Variants in SCN11A observed in about 807,000 individuals in gnomAD.
The protein encoded by SCN11A is sodium channel protein type 11 subunit alpha.
Under a neutral mutation model 162.2 loss-of-function variants are expected in SCN11A, and 122 were observed. The ratio of observed to expected loss-of-function variants is 0.75; its 90% CI spans 0.65 to 0.87. SCN11A has a LOEUF of 0.87. SCN11A is among the 40% of genes least tolerant of loss of function. The pLI, the probability that SCN11A is intolerant of heterozygous loss-of-function variation, is 0.00. For synonymous variants in SCN11A, 758 were observed against 751.5 expected (o/e 1.01, Z -0.14); for missense variants, 2,015 against 2,181.6 (o/e 0.92, Z 1.52).
At chr3:38,913,406 T>C (rs1476534494) in intron 11 of SCN11A, among the ~76,000 whole-genome samples, 1 of 152,228 alleles carries the variant, frequency 6.6e-6, no homozygotes, top group African/African-American at 2.4e-5. Flanking sequence ...TTTGCAAATA[T>C]TTTCTCCCAT....
intron 7 of SCN11A, among the ~76,000 whole-genome samples, chr3:38,937,040 C>G (rs938600685): frequency 6.6e-6 from 1 of 152,098 alleles, no homozygotes; most frequent in Non-Finnish European, 1.5e-5. Flanking sequence ...ATCAATGGAA[C>G]AGAACAGAGC....
At chr3:38,934,238 A>G (rs1165395134) in intron 7 of SCN11A, among the ~76,000 whole-genome samples, 1 of 152,254 alleles carries the variant, frequency 6.6e-6, no homozygotes, top group Non-Finnish European at 1.5e-5. Flanking sequence ...TAAACATGGA[A>G]AAGAACAACC....
rs549310901 is a variant in SCN11A, at chr3:38,956,039, G to T, written c.-138-2280C>A. On this transcript the variant is annotated intron_variant, in intron 3 of 29. Transcript: ENST00000302328. ...AGGCAGGCAGATCAGGAGGTCAGGA[G>T]TTTGAGCCCACCCTGGCCAACATGG... Among the ~76,000 whole-genome samples the T allele has an allele frequency of 1.6e-3, 244 of 152,256 alleles. 4 individuals are homozygous for T. The highest frequency in any genetic ancestry group is 4.4e-4 in the Non-Finnish European group (30 of 68,022).
At chr3:39,016,256 T>G (rs2031285939) in intron 2 of SCN11A, among the ~76,000 whole-genome samples, 1 of 152,180 alleles carries the variant, frequency 6.6e-6, no homozygotes, top group Non-Finnish European at 1.5e-5. Flanking sequence ...GGCCATGGGC[T>G]GCCAGGGTAG....
At chr3:38,999,224 A>G (rs1205838802) in intron 2 of SCN11A, among the ~76,000 whole-genome samples, 3 of 152,124 alleles carry the variant, frequency 2.0e-5, no homozygotes, top group Admixed American at 2.0e-4. Context: ...ATAATACTAC[A>G]TTTGTTTTCT....
chr3:38,953,903 G>A (rs560328823), intron 3 of SCN11A, among the ~76,000 whole-genome samples, 144 bp from the exon 4 acceptor site: 10 of 152,270 alleles, frequency 6.6e-5, no homozygotes, highest in African/African-American at 2.4e-4. Context: ...TACTGAAGAG[G>A]CATCCCAATT....
chr3:38,963,410 ATATATATG>A (rs1223246603), intron 2 of SCN11A, among the ~76,000 whole-genome samples: 1 of 61,046 alleles, frequency 1.6e-5, no homozygotes, highest in African/African-American at 1.2e-4. Context: ...ATATATATAT[ATATATATG>A]ATGGAGATAT....
At chr3:38,951,389 G>A (rs185115577) in intron 4 of SCN11A, among the ~76,000 whole-genome samples, 2,433 of 152,340 alleles carry the variant, frequency 0.016, 67 homozygotes, top group African/African-American at 0.056. Context: ...GACTTCCCGC[G>A]GGGCAGGGCT....
chr3:38,986,164 C>T (rs2030232708), intron 2 of SCN11A, among the ~76,000 whole-genome samples: 1 of 150,840 alleles, frequency 6.6e-6, no homozygotes, highest in Non-Finnish European at 1.5e-5. Context: ...GAGGAGACTA[C>T]ACATGGGCAT....
In SCN11A at chr3:38,846,671, G is replaced by T; in HGVS notation, c.*23C>A. ...GCTGAAGGCAAGGCTGTGAAGCTATGAGGTAGGCGTGGAGGTGAGGGCTCA... is the reference window on the plus strand; with the variant it reads ...GCTGAAGGCAAGGCTGTGAAGCTATTAGGTAGGCGTGGAGGTGAGGGCTCA... On this transcript the variant is annotated 3_prime_UTR_variant, in exon 30 of 30. Coordinates refer to ENST00000302328, the MANE Select transcript of SCN11A (RefSeq NM_001349253.2). 1 of 1,598,178 alleles carries T rather than the reference G, an allele frequency of 6.3e-7. No homozygotes were observed. The highest frequency in any genetic ancestry group is 8.6e-7 in the Non-Finnish European group (1 of 1,166,482).
chr3:39,033,298 T>C (rs1290281728), intron 1 of SCN11A, among the ~76,000 whole-genome samples: 1 of 141,928 alleles, frequency 7.0e-6, no homozygotes, highest in Non-Finnish European at 1.5e-5. Context: ...TCTTATTTAC[T>C]TTTTATATTT....
intron 2 of SCN11A, among the ~76,000 whole-genome samples, chr3:39,026,491 C>T (rs963636607): frequency 3.3e-5 from 5 of 152,152 alleles, no homozygotes; most frequent in Non-Finnish European, 7.3e-5. Context: ...TGATTTTCTC[C>T]CGGGTAAAGG....
chr3:38,977,846 C>T (rs1300483197), intron 2 of SCN11A, among the ~76,000 whole-genome samples: 1 of 152,208 alleles, frequency 6.6e-6, no homozygotes, highest in Non-Finnish European at 1.5e-5. Flanking sequence ...TTTACCTCCT[C>T]CATGGACTTT....
intron 2 of SCN11A, among the ~76,000 whole-genome samples, chr3:39,016,692 T>G (rs2031297951): frequency 6.6e-6 from 1 of 152,156 alleles, no homozygotes; most frequent in African/African-American, 2.4e-5. Context: ...AACCTCCACC[T>G]CCTGGGTTCA....
intron 1 of SCN11A, among the ~76,000 whole-genome samples, chr3:39,043,680 G>C (rs1156462164): frequency 6.6e-6 from 1 of 152,036 alleles, no homozygotes; most frequent in East Asian, 1.9e-4. Flanking sequence ...AACTGGGAAG[G>C]GTAGTTGGGG....
At chr3:39,001,684 CTAGT>C (rs1276199688) in intron 2 of SCN11A, among the ~76,000 whole-genome samples, 1 of 151,912 alleles carries the variant, frequency 6.6e-6, no homozygotes, top group African/African-American at 2.4e-5. Context: ...ATGTAGCTAT[CTAGT>C]TGTTACCAGC....
intron 19 of SCN11A, among the ~76,000 whole-genome samples, chr3:38,890,566 G>C (rs920359610): frequency 6.6e-6 from 1 of 152,218 alleles, no homozygotes; most frequent in South Asian, 2.1e-4. Context: ...CAAAGACTGC[G>C]CTTAAAAGCT....
At chr3:38,911,447 T>C (rs990668515) in intron 11 of SCN11A, among the ~76,000 whole-genome samples, 1 of 152,198 alleles carries the variant, frequency 6.6e-6, no homozygotes, top group African/African-American at 2.4e-5. Context: ...TAAAATCTTT[T>C]TCCAAAAAGT....
intron 7 of SCN11A, among the ~76,000 whole-genome samples, chr3:38,934,159 C>T (rs1027187580): frequency 3.3e-5 from 5 of 152,230 alleles, no homozygotes; most frequent in Admixed American, 1.3e-4. Context: ...AAATCCTTTA[C>T]AGACAAGCAA....
Sources: allele counts gnomAD v4.1 joint callset (sites outside exome capture counted in the v4.1 genomes callset), GRCh38; gene constraint gnomAD v4.1.1; transcripts MANE v1.5; gene names NCBI Gene and HGNC (gene_info 2026-07-23, HGNC 2026-07-21).